Variants in PGGHG observed in about 807,000 individuals in gnomAD.
PGGHG encodes the protein ATH1, acid trehalase-like 1.
Under a neutral mutation model 74.5 loss-of-function variants are expected in PGGHG, and 67 were observed. That is an observed-to-expected ratio of 0.90 (90% confidence interval 0.74 to 1.10). The LOEUF (loss-of-function observed/expected upper bound fraction) is 1.10. Ranked by LOEUF, PGGHG falls within the 50% of genes least tolerant of loss-of-function variation. The pLI is 0.00. For synonymous variants in PGGHG, 496 were observed against 419.9 expected, an observed-to-expected ratio of 1.18 and a Z score of -2.21; for missense variants, 1,034 against 981.5, an observed-to-expected ratio of 1.05 and a Z score of -0.72.
chr11:292,392 C>T (rs1000848576), intron 5 of PGGHG, among the ~76,000 whole-genome samples, 154 bp from the exon 6 acceptor site: 1 of 152,112 alleles, frequency 6.6e-6, no homozygotes, highest in Non-Finnish European at 1.5e-5. Flanking sequence ...CACCTGGCCC[C>T]GTGAGGACGT....
Position 294,083 on chromosome 11 carries a change from G to T in PGGHG, c.1711-16G>T. 6.3e-7 allele frequency: 1 copy of T among 1,595,534 alleles called. No individual in the cohort carries two copies. The highest frequency in any genetic ancestry group is 8.6e-7 in the Non-Finnish European group (1 of 1,169,416). On this transcript the variant is annotated splice_polypyrimidine_tract_variant and intron_variant, in intron 11 of 13. Transcript: ENST00000409548. ...TGACCTGGGGGTCCTGGTGTCAGCT[G>T]CCCTTGCCCCTGCAGGTGTGGACGG...
chr11:290,173 C>T lies in PGGHG; in HGVS notation c.259+98C>T, dbSNP rs76118511. On this transcript the variant is annotated intron_variant, in intron 2 of 13. Transcript: ENST00000409548. ...ATCCCACCAGCACCTCCTGAGTTTA[C>T]ACAGGAAGTCTCACTAAGACAGGAG... 471 of 1,441,078 alleles carry T rather than the reference C, an allele frequency of 3.3e-4. 1 individual carries two copies. In the African/African-American group the frequency reaches 5.9e-3, roughly 18 times the overall value. 89.3% of individuals were successfully genotyped at this position (1,441,078 alleles called of 1,614,324 possible).
At chr11:290,274 C>T (rs1479170800) in intron 2 of PGGHG, 116 bp from the exon 3 acceptor site, 31 of 1,369,034 alleles carry the variant, frequency 2.3e-5, no homozygotes, top group African/African-American at 4.3e-5. Flanking sequence ...AACGAGCAGC[C>T]GAGGGCCCAG....
Position 293,870 on chromosome 11 carries a change from T to C in PGGHG, c.1655T>C (p.Val552Ala). The change falls in exon 11 of 14, where the codon GTG (valine) becomes GCG (alanine). Residue 552 changes from valine (V) to alanine (A), a missense_variant. Physicochemically the swap from Val to Ala is moderately conservative, Grantham distance 64. Transcript: ENST00000409548. ...AVGWMELKDA[V>A]RARGLLDRSF... ...GGCTGGATGGAGCTGAAGGACGCAGTGCGGGCCCGGGGCCTCCTGGACAGG... is the reference window on the plus strand; with the variant it reads ...GGCTGGATGGAGCTGAAGGACGCAGCGCGGGCCCGGGGCCTCCTGGACAGG... 1 of 1,613,622 alleles carries C rather than the reference T, an allele frequency of 6.2e-7. No individual in the cohort carries two copies. The highest frequency in any genetic ancestry group is 1.1e-5 in the South Asian group (1 of 91,082).
At chr11:291,916 C>T in intron 4 of PGGHG, 60 bp from the exon 5 acceptor site, 2 of 1,540,782 alleles carry the variant, frequency 1.3e-6, no homozygotes, top group Non-Finnish European at 8.7e-7. Flanking sequence ...GGAATGTGGC[C>T]AGGAGGGGCG....
In PGGHG at chr11:293,369, G is replaced by A; in HGVS notation, c.1347G>A (p.Leu449=). The A allele has an allele frequency of 6.2e-7, 1 of 1,611,804 alleles. No homozygotes were observed. ...VYTNVLVQNS[L]RFAAALAQDL... ...CCCCACCTACCTCCACCTCCAGCCT[G>A]CGCTTTGCTGCTGCCCTGGCCCAGG... The change falls in exon 9 of 14, where the codon CTG becomes CTA. Residue 449 remains leucine (L), a synonymous_variant. Coordinates refer to ENST00000409548, the MANE Select transcript of PGGHG (RefSeq NM_025092.5).
chr11:294,346 C>T lies in PGGHG; in HGVS notation c.1888C>T (p.Gln630Ter), dbSNP rs141037172. 2 of 1,613,116 alleles carry T rather than the reference C, an allele frequency of 1.2e-6. No homozygotes were observed. The highest frequency in any genetic ancestry group is 3.3e-5 in the Admixed American group (2 of 59,990). Residue 630 changes from glutamine to a stop codon, truncating the protein, a stop_gained, in exon 13 of 14, where the codon CAG (glutamine) becomes TAG (stop). Transcript: ENST00000409548. LOFTEE classifies it high-confidence loss of function. Reference protein sequence around the residue: ...SRVSVSGIFYQGNKLNFSFSE... With the variant: ...SRVSVSGIFY The stretch of plus-strand genomic sequence containing the variant: ...AGTGAGCGTCTCCGGCATCTTCTAC[C>T]AGGGGAACAAGCTCAACTTCTCTTT...
rs370664133 is a variant in PGGHG at position 291,029 on chromosome 11, A to G, written c.822A>G (p.Gly274=). 49 of 1,612,536 alleles carry G rather than the reference A, an allele frequency of 3.0e-5. No homozygotes were observed. The highest frequency in any genetic ancestry group is 2.1e-4 in the South Asian group (19 of 91,070). ...LSALPQPKAP[G]YICHGLSPGG... ...CCCTGCCCCAGCCCAAGGCCCCAGGATACATCTGCCATGGCCTCAGTCCTG... is the reference window on the plus strand; with the variant it reads ...CCCTGCCCCAGCCCAAGGCCCCAGGGTACATCTGCCATGGCCTCAGTCCTG... The change falls in exon 4 of 14, where the codon GGA becomes GGG. Residue 274 remains glycine, a synonymous_variant. Coordinates refer to ENST00000409548, the MANE Select transcript of PGGHG (RefSeq NM_025092.5).
chr11:292,662 C>T lies in PGGHG; in HGVS notation c.1143C>T (p.Tyr381=), dbSNP rs1251692554. 1 of 1,613,794 alleles carries T rather than the reference C, an allele frequency of 6.2e-7. No homozygotes were observed. Among genetic ancestry groups the T allele is most frequent in the South Asian group, 1.1e-5 (1 of 91,090 alleles). ...NGAVVLAFEL[Y]YHTTQDLQLF... is the part of the protein sequence containing the mutation. ...CCGTGGTGTTGGCCTTCGAGCTGTA[C>T]TACCATACCACCCAGGTGAGGTGCT... Residue 381 remains tyrosine (Y), a synonymous_variant, in exon 6 of 14, where the codon TAC becomes TAT. Transcript: ENST00000409548.
At chr11:294,012 C>T in intron 11 of PGGHG, 87 bp downstream of exon 11, 2 of 1,576,840 alleles carry the variant, frequency 1.3e-6, no homozygotes, top group Non-Finnish European at 1.7e-6. Context: ...GGGTGCACCC[C>T]TGGAGCTTCC....
intron 4 of PGGHG, chr11:291,398 G>A (rs999154417): frequency 3.0e-5 from 13 of 432,546 alleles, no homozygotes; most frequent in Non-Finnish European, 1.2e-5. Flanking sequence ...AGCGTTTGTA[G>A]ACAGTAGTGT....
intron 5 of PGGHG, among the ~76,000 whole-genome samples, chr11:292,298 G>C (rs1254627112): frequency 6.6e-6 from 1 of 152,038 alleles, no homozygotes; most frequent in East Asian, 1.9e-4. Context: ...CAGCGGGCTG[G>C]GACCCTGCTT....
rs371300411 is a variant in PGGHG at position 293,177 on chromosome 11, G to A, written c.1285G>A (p.Asp429Asn). 41 of 1,613,758 alleles carry A rather than the reference G, an allele frequency of 2.5e-5. No individual in the cohort carries two copies. In the African/African-American group the frequency reaches 3.7e-4, roughly 15 times the overall value. ...TGTGTGTCCAGGAGTCATGTCCCCC[G>A]ACGAGTACCATTCAGGGGTCAACAA... The part of the protein sequence containing the change: ...KYHLRGVMSP[D>N]EYHSGVNNSV... Residue 429 changes from aspartate to asparagine, a missense_variant, in exon 8 of 14, where the codon GAC (aspartate) becomes AAC (asparagine). Coordinates refer to ENST00000409548, the MANE Select transcript of PGGHG (RefSeq NM_025092.5).
At position 290,143 on chromosome 11, in the gene PGGHG, A is replaced by G. The variant is rs73396554; in HGVS notation, c.259+68A>G. 9.7e-3 allele frequency: 14,322 copies of G among 1,469,956 alleles called. 1,244 individuals carry two copies. The African/African-American group carries it at 0.18, about 18-fold the overall frequency. The allele number at this position is 1,469,956 out of a possible 1,614,324, so 91.1% of individuals were successfully genotyped here. A position where few individuals can be genotyped will look rare whatever the true frequency, so the allele number is the denominator to read the frequency against. ...TCCAGGTCGGTGGGGCAACCACAGC[A>G]TCGAATCCCACCAGCACCTCCTGAG... is the stretch of plus-strand genomic sequence containing the variant. On this transcript the variant is annotated intron_variant, in intron 2 of 13. Transcript: ENST00000409548.
chr11:292,138 C>T (rs1186161285), intron 5 of PGGHG, 43 bp downstream of exon 5: 38 of 1,499,312 alleles, frequency 2.5e-5, no homozygotes, highest in Non-Finnish European at 3.4e-5. Flanking sequence ...CCTGCAGGGC[C>T]TGCAGCCCCC....
rs112058263 is a variant in PGGHG at position 289,668 on chromosome 11, C to G, written c.-13-136C>G. On this transcript the variant is annotated intron_variant, in intron 1 of 13. Coordinates refer to ENST00000409548, the MANE Select transcript of PGGHG (RefSeq NM_025092.5). This position sits in a 1 kb window ranked among gnomAD's most constrained non-coding sequence, Gnocchi z 5.6. ...CTGCGAGGCCCCGTCTAGGAGGGGC[C>G]TCAGGAAAATCGGGGCTGCCCAGCT... 0.019 allele frequency: 21,350 copies of G among 1,152,568 alleles called. 293 individuals are homozygous for G. Among genetic ancestry groups the G allele is most frequent in the Non-Finnish European group, 0.022 (18,218 of 842,374 alleles). 71.4% of individuals were successfully genotyped at this position (1,152,568 alleles called of 1,614,324 possible).
rs924632715 is a variant in PGGHG, at chr11:289,916, C to A, written c.100C>A (p.Arg34=). 5 of 1,550,910 alleles carry A rather than the reference C, an allele frequency of 3.2e-6. No homozygotes were observed. The African/African-American group carries it at 6.8e-5, about 21-fold the overall frequency. The change falls in exon 2 of 14, where the codon CGA becomes AGA. Residue 34 remains arginine (R), a synonymous_variant. Coordinates refer to ENST00000409548, the MANE Select transcript of PGGHG (RefSeq NM_025092.5). The surrounding 1 kb of genome is among the most constrained non-coding windows in gnomAD (Gnocchi z 5.6). ...ATVTNAYLGT[R]VFHDTLHVSG... ...TGTGACCAACGCATACCTGGGCACACGAGTGTTTCACGACACGCTGCACGT... is the reference window on the plus strand; with the variant it reads ...TGTGACCAACGCATACCTGGGCACAAGAGTGTTTCACGACACGCTGCACGT...
rs779322076 is a variant in PGGHG at position 294,407 on chromosome 11, G to A, written c.1949G>A (p.Arg650Gln). ...EDSVTVEVTA[R>Q]AGPWAPHLEA... ...TCCGTGACCGTGGAGGTCACAGCTC[G>A]AGCAGGGCCCTGGGCTCCTCACCTG... Residue 650 changes from arginine (R) to glutamine (Q), a missense_variant, in exon 13 of 14, where the codon CGA (arginine) becomes CAA (glutamine). Physicochemically the swap from Arg to Gln is conservative, Grantham distance 43. Transcript: ENST00000409548. 23 of 1,612,430 alleles carry A rather than the reference G, an allele frequency of 1.4e-5. No homozygotes were observed. The highest frequency in any genetic ancestry group is 1.0e-4 in the Admixed American group (6 of 59,956).
In PGGHG at chr11:293,354, C is replaced by G; in HGVS notation, c.1344-12C>G. The G allele has an allele frequency of 6.2e-7, 1 of 1,610,212 alleles. No homozygotes were observed. On this transcript the variant is annotated splice_polypyrimidine_tract_variant and intron_variant, in intron 8 of 13. Coordinates refer to ENST00000409548, the MANE Select transcript of PGGHG (RefSeq NM_025092.5). ...AGGGGTTGCAGCCTCCCCCACCTAC[C>G]TCCACCTCCAGCCTGCGCTTTGCTG...
Sources: gnomAD v4.1 joint callset for allele counts (sites outside exome capture counted in the v4.1 genomes callset) on GRCh38, gnomAD v4.1.1 for gene constraint, Gnocchi (gnomAD v3.1) non-coding constraint, MANE v1.5 for transcripts, NCBI Gene and HGNC (gene_info 2026-07-23, HGNC 2026-07-21) for gene names.